GBE1: variants seen among roughly 807,000 people sequenced by gnomAD.
GBE1 encodes 1,4-alpha-glucan branching enzyme 1.
Under a neutral mutation model 88.8 loss-of-function variants are expected in GBE1, and 70 were observed. That is an observed-to-expected ratio of 0.79 (90% CI 0.65 to 0.96). The LOEUF (loss-of-function observed/expected upper bound fraction) is 0.96, where lower values mean the gene tolerates loss of function less well. Among genes scored for constraint, GBE1 ranks in the 40% least tolerant of loss-of-function variants. The pLI is 0.00. For synonymous variants in GBE1, 284 were observed against 300.1 expected (o/e 0.95, Z 0.56); for missense variants, 872 against 871.0 (o/e 1.00, Z -0.01).
chr3:81,753,356 T>G (rs1467401517), intron 1 of GBE1, among the ~76,000 whole-genome samples: 1 of 152,070 alleles, frequency 6.6e-6, no homozygotes, highest in Non-Finnish European at 1.5e-5. Context: ...CACTTTACAA[T>G]GAAAGGTACC....
At chr3:81,628,756 T>C (rs1185135362) in intron 7 of GBE1, among the ~76,000 whole-genome samples, 1 of 92,852 alleles carries the variant, frequency 1.1e-5, no homozygotes, top group South Asian at 3.0e-4. Context: ...TATATATATA[T>C]ATATATATAT....
chr3:81,719,606 C>A (rs1410540161), intron 1 of GBE1, among the ~76,000 whole-genome samples: 1 of 152,102 alleles, frequency 6.6e-6, no homozygotes, highest in African/African-American at 2.4e-5. Flanking sequence ...GTTCCTGTCA[C>A]AATAAACTTG....
chr3:81,513,814 A>G (rs949299880), intron 14 of GBE1, among the ~76,000 whole-genome samples: 11 of 151,708 alleles, frequency 7.3e-5, no homozygotes, highest in Non-Finnish European at 1.3e-4. Flanking sequence ...TTCTGACAAC[A>G]ATTCTATGAA....
At chr3:81,543,486 C>T (rs1703168527) in intron 12 of GBE1, among the ~76,000 whole-genome samples, 1 of 151,996 alleles carries the variant, frequency 6.6e-6, no homozygotes, top group Admixed American at 6.6e-5. Flanking sequence ...TCAAAGTGAC[C>T]TTGGGATAAT....
At chr3:81,648,719 GA>G (rs1704803117) in intron 5 of GBE1, 136 bp downstream of exon 5, 4 of 465,798 alleles carry the variant, frequency 8.6e-6, no homozygotes, top group Non-Finnish European at 3.7e-6. Flanking sequence ...GGCAATTTGA[GA>G]AGCCTAAAAT....
intron 2 of GBE1, among the ~76,000 whole-genome samples, chr3:81,682,484 A>G (rs1184332223): frequency 6.6e-6 from 1 of 151,996 alleles, no homozygotes; most frequent in African/African-American, 2.4e-5. Context: ...ATAAATAAAT[A>G]AAAATAAAAA....
intron 1 of GBE1, among the ~76,000 whole-genome samples, chr3:81,738,792 A>G (rs1706309847): frequency 6.6e-6 from 1 of 152,158 alleles, no homozygotes; most frequent in Admixed American, 6.6e-5. Context: ...TAAAGCTGGT[A>G]TTATTATCCT....
At chr3:81,742,973 T>C (rs769127902) in intron 1 of GBE1, among the ~76,000 whole-genome samples, 4 of 152,100 alleles carry the variant, frequency 2.6e-5, no homozygotes, top group Admixed American at 1.3e-4. Context: ...AGATTCCTAA[T>C]ATTACAGAAC....
At chr3:81,554,413 T>C (rs956017929) in intron 12 of GBE1, among the ~76,000 whole-genome samples, 3 of 152,164 alleles carry the variant, frequency 2.0e-5, no homozygotes, top group Non-Finnish European at 2.9e-5. Flanking sequence ...AACTATGAAA[T>C]TGATTCTACA....
intron 7 of GBE1, among the ~76,000 whole-genome samples, chr3:81,614,157 G>A (rs1704218043): frequency 6.6e-6 from 1 of 152,056 alleles, no homozygotes; most frequent in Non-Finnish European, 1.5e-5. Context: ...TGGGACTACA[G>A]GTGCACACCA....
chr3:81,660,227 A>C (rs1231492811), intron 3 of GBE1, among the ~76,000 whole-genome samples: 1 of 152,176 alleles, frequency 6.6e-6, no homozygotes, highest in Non-Finnish European at 1.5e-5. Flanking sequence ...CAAGAATTGG[A>C]GTGACCTTTG....
chr3:81,648,673 A>G (rs1221165456), intron 5 of GBE1, among the ~76,000 whole-genome samples, 183 bp downstream of exon 5: 1 of 152,112 alleles, frequency 6.6e-6, no homozygotes, highest in East Asian at 1.9e-4. Flanking sequence ...GCTCTATCTT[A>G]TTCCATTTCT....
intron 7 of GBE1, among the ~76,000 whole-genome samples, chr3:81,595,735 T>C (rs2106959801): frequency 6.6e-6 from 1 of 152,068 alleles, no homozygotes; most frequent in Admixed American, 6.6e-5. Flanking sequence ...TCCTGTTGAT[T>C]CCTTTTACTA....
intron 1 of GBE1, among the ~76,000 whole-genome samples, chr3:81,739,379 G>A (rs1431036702): frequency 6.6e-6 from 1 of 152,118 alleles, no homozygotes; most frequent in Non-Finnish European, 1.5e-5. Context: ...TTCTAACTGT[G>A]TGATATCCAG....
intron 3 of GBE1, among the ~76,000 whole-genome samples, chr3:81,667,690 T>C (rs1459796208): frequency 6.6e-6 from 1 of 152,228 alleles, no homozygotes; most frequent in African/African-American, 2.4e-5. Flanking sequence ...CTTTTCTGCA[T>C]CTACTGAGAT....
chr3:81,750,562 T>TC (rs1491108907), intron 1 of GBE1, among the ~76,000 whole-genome samples: 1 of 80,924 alleles, frequency 1.2e-5, no homozygotes, highest in South Asian at 3.1e-4. Flanking sequence ...TATATATATA[T>TC]GTATATATAT....
chr3:81,490,572 G>C, intron 15 of GBE1, 109 bp from the exon 16 acceptor site: 1 of 876,356 alleles, frequency 1.1e-6, no homozygotes, highest in Non-Finnish European at 1.9e-6. Context: ...TAAAGTTACA[G>C]TTACCTTTAC....
chr3:81,583,732 C>T lies in GBE1; in HGVS notation c.1335+2360G>A, dbSNP rs116722284. On this transcript the variant is annotated intron_variant, in intron 10 of 15. Transcript: ENST00000429644. ...TGGAGATCTCATTCGTGGTTGCCAG[C>T]GGTTAAGGCATTATTAGAAGCAAGC... Among the ~76,000 whole-genome samples the T allele has an allele frequency of 6.4e-3, 978 of 151,954 alleles. 9 individuals carry two copies. The highest frequency in any genetic ancestry group is 0.018 in the African/African-American group (758 of 41,454).
At chr3:81,704,104 C>T (rs1705738533) in intron 2 of GBE1, among the ~76,000 whole-genome samples, 1 of 151,822 alleles carries the variant, frequency 6.6e-6, no homozygotes, top group Non-Finnish European at 1.5e-5. Flanking sequence ...ATGAAATTCT[C>T]ATCAATAAAA....
Sources: allele counts gnomAD v4.1 joint callset (sites outside exome capture counted in the v4.1 genomes callset), GRCh38; gene constraint gnomAD v4.1.1; transcripts MANE v1.5; gene names NCBI Gene and HGNC (gene_info 2026-07-23, HGNC 2026-07-21).